The following CADM2 variants were observed in gnomAD, a reference collection of about 807,000 sequenced individuals.
CADM2 encodes immunoglobulin superfamily member 4D.
Under a neutral mutation model 49.8 loss-of-function variants are expected in CADM2, and 12 were observed. The ratio of observed to expected loss-of-function variants is 0.24; its 90% CI spans 0.15 to 0.39. The LOEUF (loss-of-function observed/expected upper bound fraction) is 0.39. Among genes scored for constraint, CADM2 ranks in the 10% least tolerant of loss-of-function variants. The pLI is 1.00. For synonymous variants in CADM2, 214 were observed against 175.4 expected, an observed-to-expected ratio of 1.22 and a Z score of -1.74; for missense variants, 378 against 492.3, an observed-to-expected ratio of 0.77 and a Z score of 2.20.
intron 1 of CADM2, among the ~76,000 whole-genome samples, chr3:85,635,139 C>T (rs1229177858): frequency 2.0e-5 from 3 of 152,076 alleles, no homozygotes; most frequent in Non-Finnish European, 4.4e-5. Context: ...TCCTTTATAG[C>T]TTATTCTAAA....
At chr3:85,897,882 G>A (rs1274121090) in intron 5 of CADM2, among the ~76,000 whole-genome samples, 1 of 152,032 alleles carries the variant, frequency 6.6e-6, no homozygotes, top group East Asian at 1.9e-4. Context: ...TAAAGTCCCT[G>A]CATCATGTAT....
chr3:85,229,548 G>A (rs1180470921), intron 1 of CADM2, among the ~76,000 whole-genome samples: 1 of 152,152 alleles, frequency 6.6e-6, no homozygotes, highest in Non-Finnish European at 1.5e-5. Context: ...GATATTGCTA[G>A]GAGCTGCAGA....
At chr3:85,937,394 A>G (rs1009626679) in intron 7 of CADM2, among the ~76,000 whole-genome samples, 2 of 151,912 alleles carry the variant, frequency 1.3e-5, no homozygotes, top group Admixed American at 6.6e-5. Context: ...ATCATTTTGC[A>G]AATAGATAAA....
intron 3 of CADM2, among the ~76,000 whole-genome samples, chr3:85,850,416 C>T (rs1284744205): frequency 5.3e-5 from 8 of 150,756 alleles, no homozygotes; most frequent in African/African-American, 1.7e-4. Context: ...GCTCCGCCTC[C>T]CGGGTTCACA....
intron 1 of CADM2, among the ~76,000 whole-genome samples, chr3:85,330,855 A>C (rs902365406): frequency 2.6e-5 from 4 of 151,548 alleles, no homozygotes; most frequent in African/African-American, 7.3e-5. Context: ...TCAGCTACTC[A>C]GGAGGCTGAG....
At chr3:85,627,975 T>G (rs1439096715) in intron 1 of CADM2, among the ~76,000 whole-genome samples, 2 of 152,024 alleles carry the variant, frequency 1.3e-5, no homozygotes, top group Admixed American at 1.3e-4. Context: ...TTGCTCTATT[T>G]CAAAATGAAC....
At chr3:85,345,681 A>G (rs2030560645) in intron 1 of CADM2, among the ~76,000 whole-genome samples, 1 of 152,244 alleles carries the variant, frequency 6.6e-6, no homozygotes, top group Non-Finnish European at 1.5e-5. Flanking sequence ...CATAGGAGGC[A>G]TGACATCTAA....
At chr3:85,459,954 T>A (rs2107586730) in intron 1 of CADM2, among the ~76,000 whole-genome samples, 1 of 152,264 alleles carries the variant, frequency 6.6e-6, no homozygotes, top group African/African-American at 2.4e-5. Flanking sequence ...TCTGCCAGAG[T>A]AAAAAAGATT....
chr3:85,364,310 A>G (rs1260644416), intron 1 of CADM2, among the ~76,000 whole-genome samples: 1 of 152,186 alleles, frequency 6.6e-6, no homozygotes, highest in African/African-American at 2.4e-5. Context: ...CAACAGAACT[A>G]TGACAAAAAT....
chr3:85,393,852 G>T (rs888323349), intron 1 of CADM2, among the ~76,000 whole-genome samples: 1 of 152,060 alleles, frequency 6.6e-6, no homozygotes, highest in African/African-American at 2.4e-5. Flanking sequence ...ATATTATGAG[G>T]CTTCTTAAAT....
intron 8 of CADM2, among the ~76,000 whole-genome samples, chr3:86,029,615 A>G (rs533780295): frequency 2.0e-5 from 3 of 152,004 alleles, no homozygotes; most frequent in South Asian, 4.2e-4. Flanking sequence ...CATTGTCTCA[A>G]TGTATCGGAG....
chr3:85,674,668 T>C (rs925141576), intron 1 of CADM2, among the ~76,000 whole-genome samples: 1 of 152,190 alleles, frequency 6.6e-6, no homozygotes. Context: ...GTTATCATGG[T>C]CTGTGAATGA....
At chr3:85,044,478 T>C (rs11914646) in intron 1 of CADM2, among the ~76,000 whole-genome samples, 21,200 of 152,188 alleles carry the variant, frequency 0.14, 2,544 homozygotes, top group African/African-American at 0.32. Flanking sequence ...CTCTGCATTA[T>C]GAAGGGATAC....
At chr3:85,426,187 G>T (rs533634314) in intron 1 of CADM2, among the ~76,000 whole-genome samples, 45 of 151,318 alleles carry the variant, frequency 3.0e-4, no homozygotes, top group African/African-American at 1.1e-3. Flanking sequence ...TTTCACTGGG[G>T]CTTGAGAGTA....
At chr3:85,581,435 G>GA (rs11440569) in intron 1 of CADM2, among the ~76,000 whole-genome samples, 29,584 of 121,324 alleles carry the variant, frequency 0.24, 3,477 homozygotes, top group East Asian at 0.33. Context: ...GTTGTTTCAA[G>GA]AAAAAAAAAA....
chr3:85,398,810 A>T (rs2034933583), intron 1 of CADM2, among the ~76,000 whole-genome samples: 1 of 152,166 alleles, frequency 6.6e-6, no homozygotes, highest in Non-Finnish European at 1.5e-5. Context: ...TCTCCTTTTG[A>T]GAAGTGTCTG....
chr3:85,962,554 C>A (rs1194437606), intron 8 of CADM2, among the ~76,000 whole-genome samples: 2 of 151,858 alleles, frequency 1.3e-5, no homozygotes, highest in Admixed American at 6.6e-5. Context: ...TTTTTTCCAA[C>A]TTTCAAATGC....
Position 85,459,644 on chromosome 3 carries a change from A to T in CADM2, c.62-266878A>T, listed in dbSNP as rs2038150811. Among the ~76,000 whole-genome samples the T allele has an allele frequency of 3.3e-5, 5 of 152,230 alleles. No homozygotes were observed. In the South Asian group the frequency reaches 1.0e-3, roughly 31 times the overall value. Reference sequence around the variant, plus strand: ...AATAAAACTACACTACTTTTGATTTATGATTTTCCTTCTCTTACTATGTTA... The same window carrying T: ...AATAAAACTACACTACTTTTGATTTTTGATTTTCCTTCTCTTACTATGTTA... On this transcript the variant is annotated intron_variant, in intron 1 of 9. Transcript: ENST00000383699.
intron 5 of CADM2, among the ~76,000 whole-genome samples, chr3:85,910,838 GTTTAT>G (rs774861987): frequency 7.4e-4 from 113 of 151,874 alleles, no homozygotes; most frequent in African/African-American, 2.2e-3. Flanking sequence ...TCTTACTAAT[GTTTAT>G]TTTATTTCTA....
Sources: allele counts gnomAD v4.1 joint callset (sites outside exome capture counted in the v4.1 genomes callset), GRCh38; gene constraint gnomAD v4.1.1; transcripts MANE v1.5; gene names NCBI Gene and HGNC (gene_info 2026-07-23, HGNC 2026-07-21).